Variants in NCOR1 observed in about 807,000 individuals in gnomAD.
NCOR1 encodes the protein nuclear receptor corepressor 1.
NCOR1 carries 63 observed loss-of-function variants against 288.1 expected under a neutral mutation model. The observed-to-expected ratio is 0.22, with a 90% confidence interval of 0.18 to 0.27. The LOEUF is 0.27. Among genes scored for constraint, NCOR1 ranks in the 10% least tolerant of loss-of-function variants. NCOR1 has a pLI of 1.00. For missense variants in NCOR1, 2,397 were observed against 3,019.2 expected (o/e 0.79, Z 4.83); for synonymous variants, 1,007 against 1,065.9 (o/e 0.94, Z 1.08).
intron 14 of NCOR1, among the ~76,000 whole-genome samples, chr17:16,131,657 C>T (rs148273349): frequency 5.3e-5 from 8 of 152,236 alleles, no homozygotes; most frequent in Admixed American, 4.6e-4. Flanking sequence ...AAATATACTT[C>T]GGGAAATAAA....
chr17:16,179,741 C>G (rs893912563), intron 3 of NCOR1, among the ~76,000 whole-genome samples: 25 of 152,190 alleles, frequency 1.6e-4, no homozygotes, highest in Non-Finnish European at 2.5e-4. Flanking sequence ...AAAGGCCGGG[C>G]GTGGTGGCTC....
intron 14 of NCOR1, among the ~76,000 whole-genome samples, chr17:16,136,828 A>G (rs2076503663): frequency 6.7e-6 from 1 of 148,960 alleles, no homozygotes; most frequent in Non-Finnish European, 1.5e-5. Context: ...AAAAAAAAAA[A>G]GAAAGAAAGA....
At chr17:16,072,345 G>C in intron 28 of NCOR1, 117 bp from the exon 29 acceptor site, 1 of 663,582 alleles carries the variant, frequency 1.5e-6, no homozygotes, top group Non-Finnish European at 2.4e-6. Context: ...AGGAAGGAAT[G>C]TCAATTTAAG....
At chr17:16,098,156 T>A (rs970978559) in intron 21 of NCOR1, among the ~76,000 whole-genome samples, 2 of 152,156 alleles carry the variant, frequency 1.3e-5, no homozygotes. Context: ...GATGAAAAGG[T>A]CCTGGGGATC....
intron 27 of NCOR1, among the ~76,000 whole-genome samples, chr17:16,074,073 C>A (rs1027591036): frequency 6.6e-6 from 1 of 151,896 alleles, no homozygotes; most frequent in African/African-American, 2.4e-5. Context: ...GAGAAAGGTA[C>A]AATAAAAGAA....
Position 16,057,928 on chromosome 17 carries a change from G to A in NCOR1, c.6147C>T (p.Ile2049=), listed in dbSNP as rs371495015. ...MGQVPRTHRL[I]TLADHICQII... The stretch of plus-strand genomic sequence containing the variant: ...TTACACAGATGTGATCAGCAAGTGT[G>A]ATCAGCCGATGGGTCCTGGGCACTT... Residue 2049 remains isoleucine, a synonymous_variant, in exon 39 of 46, where the codon ATC becomes ATT. Transcript: ENST00000268712. The A allele has an allele frequency of 1.7e-5, 27 of 1,611,060 alleles. No homozygotes were observed. The highest frequency in any genetic ancestry group is 1.2e-4 in the African/African-American group (9 of 74,882).
chr17:16,089,378 A>G lies in NCOR1; in HGVS notation c.3016+2485T>C, dbSNP rs575866485. 1.3e-4 allele frequency among the ~76,000 whole-genome samples: 20 copies of G among 152,270 alleles called. No homozygotes were observed. The East Asian group carries it at 3.7e-3, about 28-fold the overall frequency. On this transcript the variant is annotated intron_variant, in intron 22 of 45. Transcript: ENST00000268712. ...TCCTTCACTGTAGAAAAGAGGCTTA[A>G]AAGTTATCAGTAAAGCAGAGGTCAA...
In NCOR1 at chr17:16,080,590, T is replaced by G. The variant is rs1215508167; in HGVS notation, c.3298+17A>C. 2 of 1,614,036 alleles carry G rather than the reference T, an allele frequency of 1.2e-6. No individual in the cohort carries two copies. The highest frequency in any genetic ancestry group is 3.3e-5 in the Admixed American group (2 of 60,008). ...GCTACAAACGTAGATGCATTATGAC[T>G]GTATTAACTCACTGACCTGATTTGG... On this transcript the variant is annotated intron_variant, in intron 24 of 45. Transcript: ENST00000268712.
At chr17:16,123,702 C>T (rs1318466637) in intron 15 of NCOR1, among the ~76,000 whole-genome samples, 3 of 152,192 alleles carry the variant, frequency 2.0e-5, no homozygotes, top group Non-Finnish European at 4.4e-5. Flanking sequence ...CTCTACCCTA[C>T]CCACATTAAC....
chr17:16,106,856 T>TAC (rs2068758860), intron 19 of NCOR1, among the ~76,000 whole-genome samples: 1 of 26,912 alleles, frequency 3.7e-5, no homozygotes, highest in Non-Finnish European at 5.8e-5. Flanking sequence ...TGATCAGACA[T>TAC]ATATATATAT....
intron 2 of NCOR1, among the ~76,000 whole-genome samples, chr17:16,187,601 T>C (rs1286269694): frequency 1.3e-5 from 2 of 149,584 alleles, no homozygotes; most frequent in East Asian, 3.9e-4. Flanking sequence ...TTATATAAAA[T>C]GTCTATAATA....
chr17:16,151,858 TATA>T, intron 8 of NCOR1, 85 bp downstream of exon 8: 1 of 1,043,142 alleles, frequency 9.6e-7, no homozygotes, highest in Admixed American at 2.1e-5. Flanking sequence ...TACAATATAT[TATA>T]ATAATGTCAG....
At chr17:16,145,616 T>C (rs1395942838) in intron 10 of NCOR1, among the ~76,000 whole-genome samples, 1 of 151,196 alleles carries the variant, frequency 6.6e-6, no homozygotes, top group Non-Finnish European at 1.5e-5. Flanking sequence ...GGAGCCCCTC[T>C]GCCCGGCAGC....
intron 21 of NCOR1, among the ~76,000 whole-genome samples, chr17:16,093,840 C>T (rs7217493): frequency 0.078 from 11,812 of 152,238 alleles, 680 homozygotes; most frequent in African/African-American, 0.17. Context: ...TTCTCCAAAA[C>T]ATCCATAGTA....
At position 16,126,124 on chromosome 17, in the gene NCOR1, T is replaced by A. The variant is rs766917667; in HGVS notation, c.1592A>T (p.Glu531Val). 3 of 1,519,984 alleles carry A rather than the reference T, an allele frequency of 2.0e-6. No homozygotes were observed. The South Asian group carries it at 3.7e-5, about 19-fold the overall frequency. The allele number at this position is 1,519,984 out of a possible 1,614,324, so 94.2% of individuals were successfully genotyped here. The change falls in exon 15 of 46, where the codon GAA becomes GTA. Residue 531 changes from glutamate (E) to valine (V), a missense_variant. Glu to Val is a moderately radical substitution (Grantham distance 121). Coordinates refer to ENST00000268712, the MANE Select transcript of NCOR1 (RefSeq NM_006311.4). ...KAEKTEKKEE[E>V]KKDEEEKDEK... ...ATCTTTTTCCTCTTCATCTTTCTTT[T>A]CTTCTTCTTTTTTTTCTGTTTTTTC... is the stretch of plus-strand genomic sequence containing the variant.
chr17:16,080,124 A>G lies in NCOR1; in HGVS notation c.3401-60T>C, dbSNP rs962218386. The G allele has an allele frequency of 3.6e-5, 51 of 1,401,410 alleles. 1 individual carries two copies. The South Asian group carries it at 5.6e-4, about 15-fold the overall frequency. The allele number at this position is 1,401,410 out of a possible 1,614,324, so 86.8% of individuals were successfully genotyped here. ...CCCAGCCCCTGCCCCAAAACATAAA[A>G]AAACAGCCCCTACTTGGGAGAGTAC... is the stretch of plus-strand genomic sequence containing the variant. On this transcript the variant is annotated intron_variant, in intron 25 of 45. Transcript: ENST00000268712.
rs556601490 is a variant in NCOR1, at chr17:16,135,951, G to A, written c.1509+1360C>T. ...AATGCTAATGAATCGTTGCAGTGTC[G>A]GAGCTCATGCATGCAAGTCCTTATT... is the stretch of plus-strand genomic sequence containing the variant. On this transcript the variant is annotated intron_variant, in intron 14 of 45. Coordinates refer to ENST00000268712, the MANE Select transcript of NCOR1 (RefSeq NM_006311.4). Among the ~76,000 whole-genome samples the A allele has an allele frequency of 1.1e-4, 17 of 152,246 alleles. No individual in the cohort carries two copies. The South Asian group carries it at 2.3e-3, about 20-fold the overall frequency.
intron 9 of NCOR1, among the ~76,000 whole-genome samples, chr17:16,148,868 C>A: frequency 6.6e-6 from 1 of 152,086 alleles, no homozygotes. Context: ...ATTTATTTAG[C>A]AGACACTTCA....
At chr17:16,128,311 C>A (rs1043733083) in intron 14 of NCOR1, among the ~76,000 whole-genome samples, 1 of 152,144 alleles carries the variant, frequency 6.6e-6, no homozygotes, top group Non-Finnish European at 1.5e-5. Context: ...GGTCAAAATG[C>A]TACATCTCCT....
Sources: gnomAD v4.1 joint callset for allele counts (sites outside exome capture counted in the v4.1 genomes callset) on GRCh38, gnomAD v4.1.1 for gene constraint, MANE v1.5 for transcripts, NCBI Gene and HGNC (gene_info 2026-07-23, HGNC 2026-07-21) for gene names.